The following ZNF148 variants were observed in gnomAD, a reference collection of about 807,000 sequenced individuals.
ZNF148 encodes the protein zinc finger protein 148.
In ZNF148, 7 loss-of-function variants were observed where a neutral mutation model predicts 67.7. The observed-to-expected ratio is 0.10, with a 90% CI of 0.06 to 0.19. ZNF148 has a LOEUF of 0.19. Ranked by LOEUF, ZNF148 falls within the 10% of genes least tolerant of loss-of-function variation. The pLI is 1.00. For missense variants in ZNF148, 583 were observed against 947.1 expected (o/e 0.62, Z 5.05); for synonymous variants, 333 against 330.7 (o/e 1.01, Z -0.08).
At chr3:125,303,708 A>T (rs1319275050) in intron 4 of ZNF148, among the ~76,000 whole-genome samples, 1 of 151,794 alleles carries the variant, frequency 6.6e-6, no homozygotes, top group Non-Finnish European at 1.5e-5. Context: ...TTACTTCATT[A>T]TATATTATAA....
At chr3:125,286,740 G>A (rs1358208656) in intron 5 of ZNF148, among the ~76,000 whole-genome samples, 1 of 152,082 alleles carries the variant, frequency 6.6e-6, no homozygotes, top group Non-Finnish European at 1.5e-5. Context: ...TACATTTCAA[G>A]TGTTAAAAAT....
intron 4 of ZNF148, among the ~76,000 whole-genome samples, chr3:125,305,182 A>G (rs1392754256): frequency 6.6e-6 from 1 of 152,220 alleles, no homozygotes; most frequent in African/African-American, 2.4e-5. Flanking sequence ...ATGACGGCAA[A>G]TAAAACTCAG....
intron 1 of ZNF148, among the ~76,000 whole-genome samples, chr3:125,333,309 T>C (rs1276419711): frequency 6.6e-6 from 1 of 152,164 alleles, no homozygotes; most frequent in Non-Finnish European, 1.5e-5. Flanking sequence ...AAAGGAAACG[T>C]GCATACACAC....
Position 125,233,633 on chromosome 3 carries a change from C to G in ZNF148, c.1093G>C (p.Ala365Pro). Residue 365 changes from alanine to proline, a missense_variant, in exon 9 of 9, where the codon GCT (alanine) becomes CCT (proline). Ala to Pro is a conservative substitution (Grantham distance 27). Coordinates refer to ENST00000360647, the MANE Select transcript of ZNF148 (RefSeq NM_021964.3). This position sits in a 1 kb window ranked among gnomAD's most constrained non-coding sequence, Gnocchi z 5.1. ...VKDEYMVAEY[A>P]VEMPHSSVGG... ...ACTGACGAATGTGGCATTTCAACAG[C>G]ATATTCTGCAACCATATACTCATCT... The G allele has an allele frequency of 6.2e-7, 1 of 1,614,008 alleles. No homozygotes were observed. Among genetic ancestry groups the G allele is most frequent in the Non-Finnish European group, 8.5e-7 (1 of 1,179,952 alleles).
intron 1 of ZNF148, among the ~76,000 whole-genome samples, chr3:125,331,624 T>C (rs1941294778): frequency 6.6e-6 from 1 of 152,226 alleles, no homozygotes; most frequent in Admixed American, 6.5e-5. Context: ...CATATAGCAC[T>C]ATTTCTTGAT....
At chr3:125,297,956 A>G (rs1391770840) in intron 4 of ZNF148, among the ~76,000 whole-genome samples, 1 of 152,230 alleles carries the variant, frequency 6.6e-6, no homozygotes, top group African/African-American at 2.4e-5. Flanking sequence ...GAAACAATCT[A>G]AATGACTATT....
chr3:125,300,659 C>A (rs1329107259), intron 4 of ZNF148, among the ~76,000 whole-genome samples: 1 of 152,222 alleles, frequency 6.6e-6, no homozygotes, highest in Non-Finnish European at 1.5e-5. Flanking sequence ...TAAGGAATTA[C>A]ACATGCCTGA....
intron 4 of ZNF148, among the ~76,000 whole-genome samples, chr3:125,288,443 A>G (rs1046799691): frequency 1.3e-5 from 2 of 149,566 alleles, no homozygotes; most frequent in Non-Finnish European, 3.0e-5. Context: ...GGATAAACAG[A>G]TTTTTTTTTT....
At chr3:125,307,799 C>T (rs1490215172) in intron 4 of ZNF148, among the ~76,000 whole-genome samples, 1 of 146,524 alleles carries the variant, frequency 6.8e-6, no homozygotes, top group African/African-American at 2.6e-5. Context: ...TGCACACCAC[C>T]ATGCCCAGAT....
intron 4 of ZNF148, among the ~76,000 whole-genome samples, 171 bp downstream of exon 4, chr3:125,313,137 C>A (rs1314663673): frequency 6.6e-6 from 1 of 152,070 alleles, no homozygotes; most frequent in Non-Finnish European, 1.5e-5. Flanking sequence ...TAATATAATA[C>A]AAGAACTTAA....
At chr3:125,284,984 A>T (rs1938581787) in intron 5 of ZNF148, among the ~76,000 whole-genome samples, 1 of 151,726 alleles carries the variant, frequency 6.6e-6, no homozygotes, top group Admixed American at 6.6e-5. Flanking sequence ...CTTAAAATCC[A>T]TGGCAGCTAA....
chr3:125,350,319 C>G (rs1249603671), intron 1 of ZNF148, among the ~76,000 whole-genome samples: 1 of 144,084 alleles, frequency 6.9e-6, no homozygotes, highest in East Asian at 1.9e-4. Context: ...TGTCACCAGG[C>G]CCATCTAATT....
chr3:125,276,327 A>G (rs563952096), intron 7 of ZNF148, among the ~76,000 whole-genome samples: 1 of 152,332 alleles, frequency 6.6e-6, no homozygotes, highest in East Asian at 1.9e-4. Context: ...ACGTTTACTT[A>G]AAAAACTGAA....
chr3:125,275,094 G>A (rs533784487), intron 7 of ZNF148, among the ~76,000 whole-genome samples: 1 of 152,284 alleles, frequency 6.6e-6, no homozygotes, highest in South Asian at 2.1e-4. Flanking sequence ...ACATTTTACT[G>A]TCTTTAAAAA....
intron 4 of ZNF148, among the ~76,000 whole-genome samples, chr3:125,294,374 G>C (rs1377180389): frequency 1.3e-5 from 2 of 152,180 alleles, no homozygotes; most frequent in African/African-American, 4.8e-5. Flanking sequence ...TTTCACCAAT[G>C]TTAAATTCTT....
chr3:125,310,272 G>A (rs563164539), intron 4 of ZNF148, among the ~76,000 whole-genome samples: 14 of 151,956 alleles, frequency 9.2e-5, no homozygotes, highest in Admixed American at 1.3e-4. Context: ...TAGAGATGGG[G>A]TTTTGTCATG....
In ZNF148 at chr3:125,331,256, T is replaced by C. The variant is rs1941278809; in HGVS notation, c.-233-18A>G. 3 of 398,366 alleles carry C rather than the reference T, an allele frequency of 7.5e-6. No homozygotes were observed. The highest frequency in any genetic ancestry group is 8.8e-6 in the Non-Finnish European group (2 of 226,012). 24.7% of individuals were successfully genotyped at this position (398,366 alleles called of 1,614,324 possible). A position where few individuals can be genotyped will look rare whatever the true frequency, so the allele number is the denominator to read the frequency against. On this transcript the variant is annotated intron_variant, in intron 1 of 8. Transcript: ENST00000360647. The stretch of plus-strand genomic sequence containing the variant: ...CCTCTATCCTACAAAAGTACACAAA[T>C]ACAGGTTAACCCCCAAAAGAATCAG...
chr3:125,230,430 C>A lies in ZNF148; in HGVS notation c.*1911G>T, dbSNP rs1020751897. 6.6e-6 allele frequency: 1 copy of A among 152,434 alleles called. No homozygotes were observed. The highest frequency in any genetic ancestry group is 2.4e-5 in the African/African-American group (1 of 41,378). 9.4% of individuals were successfully genotyped at this position (152,434 alleles called of 1,614,324 possible). A position where few individuals can be genotyped will look rare whatever the true frequency, so the allele number is the denominator to read the frequency against. On this transcript the variant is annotated 3_prime_UTR_variant, in exon 9 of 9. Transcript: ENST00000360647. ...CAAAGAAGTCTTAAATTCTTGAAAA[C>A]TTTGGCAGCAAAGAAAGCTGTCAAA...
chr3:125,333,922 G>A (rs1432023099), intron 1 of ZNF148, among the ~76,000 whole-genome samples: 2 of 152,122 alleles, frequency 1.3e-5, no homozygotes, highest in Admixed American at 6.5e-5. Context: ...GTATTTTAAG[G>A]TAGGAGTTTT....
Sources: gnomAD v4.1 joint callset for allele counts (sites outside exome capture counted in the v4.1 genomes callset) on GRCh38, gnomAD v4.1.1 for gene constraint, Gnocchi (gnomAD v3.1) non-coding constraint, MANE v1.5 for transcripts, NCBI Gene and HGNC (gene_info 2026-07-23, HGNC 2026-07-21) for gene names.